ASIC2: variants seen among roughly 807,000 people sequenced by gnomAD.
The protein encoded by ASIC2 is acid-sensing ion channel 2.
ASIC2 carries 25 observed loss-of-function variants against 57.3 expected under a neutral mutation model. That is an observed-to-expected ratio of 0.44 (90% CI 0.32 to 0.61). ASIC2 has a LOEUF of 0.61. Among genes scored for constraint, ASIC2 ranks in the 20% least tolerant of loss-of-function variants. The probability of loss-of-function intolerance (pLI) is 0.06; values close to 1 mark genes in which losing one functional copy is unlikely to be tolerated. For synonymous variants in ASIC2, 319 were observed against 307.5 expected, an observed-to-expected ratio of 1.04 and a Z score of -0.39; for missense variants, 641 against 738.1, an observed-to-expected ratio of 0.87 and a Z score of 1.52.
In ASIC2 at chr17:33,086,788, C is replaced by T. The variant is rs113471343; in HGVS notation, c.987+2075G>A. 4.6e-3 allele frequency among the ~76,000 whole-genome samples: 696 copies of T among 152,270 alleles called. 5 individuals carry two copies. Among genetic ancestry groups the T allele is most frequent in the African/African-American group, 0.015 (634 of 41,556 alleles). ...CCTGAATATAGGGCCCCTGTCTCCC[C>T]GTCTCTGTGGGAGGGTAGGAGCCTA... On this transcript the variant is annotated intron_variant, in intron 3 of 9. Coordinates refer to ENST00000225823, the MANE Select transcript of ASIC2 (RefSeq NM_183377.2).
At chr17:33,853,369 C>T (rs2141917461) in intron 1 of ASIC2, among the ~76,000 whole-genome samples, 2 of 152,294 alleles carry the variant, frequency 1.3e-5, no homozygotes, top group South Asian at 2.1e-4. Flanking sequence ...GAGGGAACAT[C>T]AACTGTGCCA....
chr17:34,050,904 A>T (rs544970313), intron 1 of ASIC2, among the ~76,000 whole-genome samples: 44 of 152,342 alleles, frequency 2.9e-4, no homozygotes, highest in African/African-American at 1.0e-3. Flanking sequence ...TTTCCAGGAA[A>T]GGACAGCCTG....
intron 1 of ASIC2, among the ~76,000 whole-genome samples, chr17:33,907,401 C>T (rs886916075): frequency 1.3e-5 from 2 of 152,206 alleles, no homozygotes; most frequent in Non-Finnish European, 2.9e-5. Context: ...GGCAGTCTCA[C>T]CTTGCAATTG....
At chr17:33,462,315 G>T (rs985766526) in intron 1 of ASIC2, among the ~76,000 whole-genome samples, 3 of 152,228 alleles carry the variant, frequency 2.0e-5, no homozygotes, top group Non-Finnish European at 4.4e-5. Flanking sequence ...TCTAGATGTA[G>T]CCATGGGACT....
chr17:34,129,576 G>A (rs1911892090), intron 1 of ASIC2, among the ~76,000 whole-genome samples: 1 of 152,124 alleles, frequency 6.6e-6, no homozygotes, highest in Non-Finnish European at 1.5e-5. Context: ...AAAGGTTCTT[G>A]GCTAAGAATA....
chr17:33,147,786 T>A (rs1597603358), intron 1 of ASIC2, among the ~76,000 whole-genome samples: 1 of 152,180 alleles, frequency 6.6e-6, no homozygotes, highest in African/African-American at 2.4e-5. Context: ...CCGTGGCACA[T>A]CCATCACTTT....
chr17:33,171,142 C>T (rs952421713), intron 1 of ASIC2, among the ~76,000 whole-genome samples: 8 of 152,122 alleles, frequency 5.3e-5, no homozygotes, highest in African/African-American at 1.9e-4. Flanking sequence ...AAGATGGTAC[C>T]GGGAATTAGA....
chr17:33,125,264 A>T lies in ASIC2; in HGVS notation c.709-13197T>A, dbSNP rs181002895. Reference sequence around the variant, plus strand: ...CTTGCATATTTGACAAATATTTCTTAGACTTGGCCCCTGTACCATAGAAGA... The same window carrying T: ...CTTGCATATTTGACAAATATTTCTTTGACTTGGCCCCTGTACCATAGAAGA... On this transcript the variant is annotated intron_variant, in intron 1 of 9. Coordinates refer to ENST00000225823, the MANE Select transcript of ASIC2 (RefSeq NM_183377.2). Among the ~76,000 whole-genome samples, 5 of 152,344 alleles carry T rather than the reference A, an allele frequency of 3.3e-5. No homozygotes were observed. The East Asian group carries it at 7.7e-4, about 24-fold the overall frequency.
intron 1 of ASIC2, among the ~76,000 whole-genome samples, chr17:33,260,185 C>T (rs570701631): frequency 1.3e-5 from 2 of 152,328 alleles, no homozygotes; most frequent in East Asian, 3.9e-4. Flanking sequence ...CCAGTGAACA[C>T]AGGCAGGGGC....
At chr17:34,039,830 ATTTCT>A in intron 1 of ASIC2, 1 of 1,607,614 alleles carries the variant, frequency 6.2e-7, no homozygotes, top group Non-Finnish European at 8.5e-7. Context: ...GCCTCCAATA[ATTTCT>A]GCCGTCGTGG....
In ASIC2 at chr17:33,464,455, TTCTCTTTCTTTCTTTCTTTCTTTTCTC is replaced by T. The variant is rs1567620784; in HGVS notation, c.556-352415_556-352389del. ...TACATCATTCTACACATGCCTCTTT[TTCTCTTTCTTTCTTTCTTTCTTTTCTC>T]TCTTTCTTTCTTTCTTTCTTTCTTT... On this transcript the variant is annotated intron_variant, in intron 1 of 9. Transcript: ENST00000359872. Among the ~76,000 whole-genome samples, 10 of 68,624 alleles carry T rather than the reference TTCTCTTTCTTTCTTTCTTTCTTTTCTC, an allele frequency of 1.5e-4. No individual in the cohort carries two copies. The South Asian group carries it at 2.1e-3, about 14-fold the overall frequency. 45.0% of individuals were successfully genotyped at this position (68,624 alleles called of 152,430 possible).
intron 1 of ASIC2, among the ~76,000 whole-genome samples, chr17:33,842,539 C>T (rs1054442797): frequency 2.0e-5 from 3 of 152,020 alleles, no homozygotes; most frequent in South Asian, 2.1e-4. Context: ...AGGGCTGGGA[C>T]GATTCAGTGG....
intron 3 of ASIC2, among the ~76,000 whole-genome samples, chr17:33,048,396 C>T (rs191079064): frequency 1.0e-3 from 155 of 152,286 alleles, no homozygotes; most frequent in Middle Eastern, 3.4e-3. Flanking sequence ...TAGGGCCTCT[C>T]GTCTCTGAGG....
intron 2 of ASIC2, among the ~76,000 whole-genome samples, chr17:33,092,548 G>C (rs76139007): frequency 1.3e-5 from 2 of 152,368 alleles, no homozygotes; most frequent in East Asian, 3.9e-4. Context: ...CTGGAGTGGA[G>C]AGCAGGAATC....
intron 1 of ASIC2, chr17:34,071,699 G>A (rs1395032684): frequency 6.6e-6 from 1 of 152,092 alleles, no homozygotes; most frequent in African/African-American, 2.4e-5. Flanking sequence ...GCATGGTGGT[G>A]TGCACCTGTA....
intron 1 of ASIC2, among the ~76,000 whole-genome samples, chr17:33,497,063 G>A (rs192076295): frequency 6.6e-6 from 1 of 152,178 alleles, no homozygotes; most frequent in South Asian, 2.1e-4. Context: ...TGGATGTGAT[G>A]GGGGGAAAGG....
chr17:33,706,682 G>A (rs1908873546), intron 1 of ASIC2, among the ~76,000 whole-genome samples: 1 of 151,904 alleles, frequency 6.6e-6, no homozygotes, highest in East Asian at 1.9e-4. Flanking sequence ...CCCTTTATGT[G>A]CATATCACCA....
intron 1 of ASIC2, among the ~76,000 whole-genome samples, chr17:33,437,814 C>T (rs1443867496): frequency 6.6e-6 from 1 of 152,104 alleles, no homozygotes; most frequent in Non-Finnish European, 1.5e-5. Context: ...ACCCAAAAAA[C>T]TTCCAGATTT....
At chr17:33,520,665 G>T (rs1016295762) in intron 1 of ASIC2, among the ~76,000 whole-genome samples, 1 of 152,228 alleles carries the variant, frequency 6.6e-6, no homozygotes, top group Non-Finnish European at 1.5e-5. Context: ...CCACGGACAG[G>T]GCCCCTCTTG....
Sources: gnomAD v4.1 joint callset for allele counts (sites outside exome capture counted in the v4.1 genomes callset) on GRCh38, gnomAD v4.1.1 for gene constraint, MANE v1.5 for transcripts, NCBI Gene and HGNC (gene_info 2026-07-23, HGNC 2026-07-21) for gene names.